SHISA6: variants seen among roughly 807,000 people sequenced by gnomAD.
SHISA6 encodes shisa family member 6, also known as protein shisa-6.
Under a neutral mutation model 47.9 loss-of-function variants are expected in SHISA6, and 22 were observed. The observed-to-expected ratio is 0.46, with a 90% CI of 0.33 to 0.66. SHISA6 has a LOEUF of 0.66. Ranked by LOEUF, SHISA6 falls within the 30% of genes least tolerant of loss-of-function variation. SHISA6 has a pLI of 0.02. For missense variants in SHISA6, 680 were observed against 764.6 expected (o/e 0.89, Z 1.30); for synonymous variants, 388 against 337.8 (o/e 1.15, Z -1.63).
chr17:11,520,834 C>T (rs927491408), intron 3 of SHISA6, among the ~76,000 whole-genome samples: 1 of 152,164 alleles, frequency 6.6e-6, no homozygotes, highest in Non-Finnish European at 1.5e-5. Flanking sequence ...TTCCTTATGT[C>T]TAATTGTCAT....
intron 3 of SHISA6, among the ~76,000 whole-genome samples, chr17:11,409,350 A>G (rs2142270899): frequency 6.6e-6 from 1 of 152,286 alleles, no homozygotes; most frequent in South Asian, 2.1e-4. Flanking sequence ...AATAAAATAG[A>G]AGGTCATCAA....
intron 3 of SHISA6, among the ~76,000 whole-genome samples, chr17:11,534,160 T>TCC (rs1555543078): frequency 1.0e-5 from 1 of 99,324 alleles, no homozygotes; most frequent in African/African-American, 3.8e-5. Context: ...TTTTTTTCTT[T>TCC]TTTTTTTTTT....
At chr17:11,304,791 C>G (rs1399038311) in intron 2 of SHISA6, among the ~76,000 whole-genome samples, 1 of 150,558 alleles carries the variant, frequency 6.6e-6, no homozygotes, top group African/African-American at 2.4e-5. Flanking sequence ...CTTGCCAGAA[C>G]TGTTCCCGGT....
intron 2 of SHISA6, among the ~76,000 whole-genome samples, chr17:11,305,446 C>A (rs964113937): frequency 6.6e-6 from 1 of 152,156 alleles, no homozygotes; most frequent in Non-Finnish European, 1.5e-5. Context: ...CCTGGAGAGC[C>A]CCTGAAATGG....
At position 11,384,626 on chromosome 17, in the gene SHISA6, C is replaced by T. The variant is rs143330528; in HGVS notation, c.895+5117C>T. 3.3e-3 allele frequency among the ~76,000 whole-genome samples: 504 copies of T among 152,320 alleles called. 9 individuals are homozygous for T. Among genetic ancestry groups the T allele is most frequent in the Admixed American group, 0.03 (455 of 15,306 alleles). On this transcript the variant is annotated intron_variant, in intron 3 of 5. Transcript: ENST00000441885. ...GTTTCCACTGGGATATCCCTGGCCACACCAGGGTAAGTAAGGGGTCCTTAC... is the reference window on the plus strand; with the variant it reads ...GTTTCCACTGGGATATCCCTGGCCATACCAGGGTAAGTAAGGGGTCCTTAC...
At chr17:11,521,823 C>G (rs2071632447) in intron 3 of SHISA6, among the ~76,000 whole-genome samples, 1 of 151,982 alleles carries the variant, frequency 6.6e-6, no homozygotes, top group African/African-American at 2.4e-5. Context: ...GATAAACTAG[C>G]TAGACTATAT....
intron 3 of SHISA6, among the ~76,000 whole-genome samples, chr17:11,396,124 T>C (rs1913564835): frequency 6.6e-6 from 1 of 152,228 alleles, no homozygotes; most frequent in African/African-American, 2.4e-5. Context: ...CAAAAGCTTT[T>C]TCAGCATCTG....
chr17:11,345,168 C>A (rs1911659639), intron 2 of SHISA6, among the ~76,000 whole-genome samples: 1 of 152,044 alleles, frequency 6.6e-6, no homozygotes, highest in Non-Finnish European at 1.5e-5. Flanking sequence ...GTTGTATATA[C>A]CACATTTTAT....
At chr17:11,382,649 C>T (rs1202095514) in intron 3 of SHISA6, among the ~76,000 whole-genome samples, 1 of 152,144 alleles carries the variant, frequency 6.6e-6, no homozygotes, top group Non-Finnish European at 1.5e-5. Flanking sequence ...TTTCTGGATC[C>T]TCTTCCTTTA....
chr17:11,303,872 C>G (rs1342786242), intron 2 of SHISA6, among the ~76,000 whole-genome samples: 1 of 152,156 alleles, frequency 6.6e-6, no homozygotes, highest in Non-Finnish European at 1.5e-5. Context: ...TGTGTTTCCT[C>G]CAGTTGTGTT....
chr17:11,283,041 C>T (rs747716830), intron 2 of SHISA6, among the ~76,000 whole-genome samples: 25 of 152,298 alleles, frequency 1.6e-4, no homozygotes, highest in South Asian at 4.1e-4. Flanking sequence ...ATTTGGAGCA[C>T]CAGACCTAGA....
intron 3 of SHISA6, among the ~76,000 whole-genome samples, chr17:11,406,515 A>G (rs1349431980): frequency 6.6e-6 from 1 of 151,952 alleles, no homozygotes; most frequent in Non-Finnish European, 1.5e-5. Flanking sequence ...ATTCTCGGCA[A>G]CTCCTCTTTG....
chr17:11,446,319 A>C (rs1284245628), intron 3 of SHISA6, among the ~76,000 whole-genome samples: 1 of 152,174 alleles, frequency 6.6e-6, no homozygotes, highest in Non-Finnish European at 1.5e-5. Context: ...AATGCATAGA[A>C]CGAAGCACAC....
chr17:11,245,123 G>T (rs4792110), intron 1 of SHISA6, among the ~76,000 whole-genome samples: 118,518 of 152,168 alleles, frequency 0.78, 49,401 homozygotes, highest in South Asian at 0.92. Flanking sequence ...ATCAGTGTCT[G>T]TGGGGGAAAC....
At chr17:11,528,925 A>T (rs1297419185) in intron 3 of SHISA6, among the ~76,000 whole-genome samples, 1 of 152,084 alleles carries the variant, frequency 6.6e-6, no homozygotes, top group African/African-American at 2.4e-5. Context: ...GGGCGTGGTG[A>T]TTCATGCCTG....
intron 3 of SHISA6, among the ~76,000 whole-genome samples, chr17:11,412,772 C>A (rs1567599269): frequency 6.6e-6 from 1 of 152,114 alleles, no homozygotes; most frequent in African/African-American, 2.4e-5. Context: ...TGGTTAGAGG[C>A]TTGTATTCCG....
At chr17:11,302,137 G>A (rs1909949679) in intron 2 of SHISA6, among the ~76,000 whole-genome samples, 1 of 152,166 alleles carries the variant, frequency 6.6e-6, no homozygotes, top group Non-Finnish European at 1.5e-5. Context: ...CAACACATGG[G>A]AATTCTTGGA....
intron 2 of SHISA6, among the ~76,000 whole-genome samples, chr17:11,349,790 T>A (rs1273211920): frequency 2.6e-5 from 4 of 152,032 alleles, no homozygotes; most frequent in African/African-American, 4.8e-5. Flanking sequence ...GAGAGATTAT[T>A]CAGATTAAGA....
intron 3 of SHISA6, among the ~76,000 whole-genome samples, chr17:11,541,481 T>C (rs558977647): frequency 2.6e-5 from 4 of 152,356 alleles, no homozygotes; most frequent in Non-Finnish European, 5.9e-5. Context: ...GTGGAATCTT[T>C]CTTTTTTCAT....
Sources: allele counts gnomAD v4.1 joint callset (sites outside exome capture counted in the v4.1 genomes callset), GRCh38; gene constraint gnomAD v4.1.1; transcripts MANE v1.5; gene names NCBI Gene and HGNC (gene_info 2026-07-23, HGNC 2026-07-21).